DHRS4L2: variants seen among roughly 807,000 people sequenced by gnomAD.
DHRS4L2 encodes dehydrogenase/reductase 4 like 2.
In DHRS4L2, 22 loss-of-function variants were observed where a neutral mutation model predicts 23.9. The observed-to-expected ratio is 0.92, with a 90% CI of 0.66 to 1.31. DHRS4L2 has a LOEUF of 1.31. DHRS4L2 is among the 40% of genes most tolerant of loss of function. The pLI, the probability that DHRS4L2 is intolerant of heterozygous loss-of-function variation, is 0.00. For missense variants in DHRS4L2, 385 were observed against 303.3 expected (o/e 1.27, Z -2.00); for synonymous variants, 141 against 123.7 (o/e 1.14, Z -0.93).
chr14:23,988,992 G>A lies in DHRS4L2; in HGVS notation c.45G>A (p.Lys15=), dbSNP rs147724387. ...RLLGLCAWAR[K]SVRMASSRMT... ...TAGGCCTCTGTGCCTGGGCACGGAA[G>A]TCGGTGCGGATGGCCAGCTCCAGGA... The change falls in exon 1 of 8, where the codon AAG becomes AAA. Residue 15 remains lysine, a synonymous_variant. Transcript: ENST00000335125. The A allele has an allele frequency of 8.1e-6, 13 of 1,611,154 alleles. No individual in the cohort carries two copies. The Admixed American group carries it at 2.2e-4, about 27-fold the overall frequency.
exon 1 of DHRS4L2, chr14:23,970,073 G>A (rs2033816891): frequency 2.2e-5 from 10 of 456,478 alleles, no homozygotes; most frequent in Non-Finnish European, 3.5e-5. Context: ...CTCCTCTGCA[G>A]CAGCCTCGGC....
At chr14:24,004,169 C>G (rs910260581) in intron 6 of DHRS4L2, among the ~76,000 whole-genome samples, 168 bp from the exon 7 acceptor site, 4 of 143,662 alleles carry the variant, frequency 2.8e-5, no homozygotes, top group Non-Finnish European at 6.0e-5. Context: ...ACTCGGGAGG[C>G]TGAGGCAGGA....
chr14:23,977,618 A>C (rs1209736338), intron 1 of DHRS4L2, among the ~76,000 whole-genome samples: 2 of 151,772 alleles, frequency 1.3e-5, no homozygotes, highest in Admixed American at 1.3e-4. Context: ...TTGAGACGTG[A>C]CTGTGATCTG....
At chr14:23,992,830 C>T (rs930433193) in intron 2 of DHRS4L2, among the ~76,000 whole-genome samples, 13 of 147,172 alleles carry the variant, frequency 8.8e-5, no homozygotes, top group Admixed American at 7.5e-4. Flanking sequence ...AAACTATAGG[C>T]ATGCACCACC....
chr14:23,990,576 A>C (rs2034249659), intron 2 of DHRS4L2, among the ~76,000 whole-genome samples: 1 of 151,378 alleles, frequency 6.6e-6, no homozygotes. Flanking sequence ...CCAAAGAAAC[A>C]GCTGGTACTG....
chr14:23,977,036 T>C (rs1033403743), intron 1 of DHRS4L2, among the ~76,000 whole-genome samples: 7 of 151,826 alleles, frequency 4.6e-5, no homozygotes, highest in Non-Finnish European at 1.0e-4. Context: ...CAAACCAACC[T>C]GATACATGTA....
rs540334602 is a variant in DHRS4L2 at position 24,005,859 on chromosome 14, T to C, written c.*23-27T>C. 4.3e-5 allele frequency: 69 copies of C among 1,609,174 alleles called. 1 individual carries two copies. In the Middle Eastern group the frequency reaches 5.0e-4, roughly 12 times the overall value. On this transcript the variant is annotated intron_variant, in intron 7 of 7. Transcript: ENST00000335125. The stretch of plus-strand genomic sequence containing the variant: ...GAGGCAGACCCGTTTGATTTTTACC[T>C]CCTTCCTTGCTTCCCTTATTCCCCA...
At chr14:23,972,055 C>T (rs2033867536) in intron 1 of DHRS4L2, among the ~76,000 whole-genome samples, 1 of 152,024 alleles carries the variant, frequency 6.6e-6, no homozygotes, top group Non-Finnish European at 1.5e-5. Flanking sequence ...AGAATCAAGA[C>T]CCATATGGTG....
At chr14:23,972,728 G>C (rs2033886792) in intron 1 of DHRS4L2, among the ~76,000 whole-genome samples, 1 of 151,982 alleles carries the variant, frequency 6.6e-6, no homozygotes, top group Non-Finnish European at 1.5e-5. Flanking sequence ...ACCGGCACCG[G>C]TCTCTGAATT....
chr14:23,987,524 AC>A (rs1422797430), upstream of DHRS4L2, among the ~76,000 whole-genome samples: 1 of 151,628 alleles, frequency 6.6e-6, no homozygotes, highest in Non-Finnish European at 1.5e-5. Context: ...CATGCCTAGA[AC>A]TGGATTTCAC....
At chr14:24,001,323 G>C in intron 5 of DHRS4L2, 61 bp from the exon 6 acceptor site, 1 of 1,582,906 alleles carries the variant, frequency 6.3e-7, no homozygotes, top group Non-Finnish European at 8.6e-7. Context: ...TCTATGTCTA[G>C]TTATTAGAAC....
intron 1 of DHRS4L2, among the ~76,000 whole-genome samples, chr14:23,976,312 C>A (rs1341704208): frequency 6.6e-6 from 1 of 151,824 alleles, no homozygotes; most frequent in African/African-American, 2.4e-5. Context: ...ACAGAAACTT[C>A]TCAAAAGAAG....
chr14:23,970,735 C>T (rs1160520189), intron 1 of DHRS4L2, among the ~76,000 whole-genome samples: 1 of 152,038 alleles, frequency 6.6e-6, no homozygotes, highest in Non-Finnish European at 1.5e-5. Flanking sequence ...AGAGACACCT[C>T]ATACAGGTGG....
rs1452447865 is a variant in DHRS4L2, at chr14:23,995,637, TTTC to T, written c.408+510_408+512del. Among the ~76,000 whole-genome samples, 10 of 151,992 alleles carry T rather than the reference TTTC, an allele frequency of 6.6e-5. No individual in the cohort carries two copies. In the East Asian group the frequency reaches 1.7e-3, roughly 26 times the overall value. On this transcript the variant is annotated intron_variant, in intron 3 of 7. Coordinates refer to ENST00000335125, the MANE Select transcript of DHRS4L2 (RefSeq NM_198083.4). ...AAAATAAAATAAAAACCTATGTTAT[TTTC>T]TTCTTAACTGCAATGTCAAGAAAAT...
At chr14:23,995,849 T>C (rs560950484) in intron 3 of DHRS4L2, among the ~76,000 whole-genome samples, 1 of 151,880 alleles carries the variant, frequency 6.6e-6, no homozygotes, top group Non-Finnish European at 1.5e-5. Flanking sequence ...ATTTTTATGA[T>C]CTCCCATGGT....
At chr14:23,990,766 T>G in intron 2 of DHRS4L2, 1 of 580,978 alleles carries the variant, frequency 1.7e-6, no homozygotes, top group Non-Finnish European at 2.2e-6. Flanking sequence ...TGCCATTTCC[T>G]GTGTTCAGAG....
upstream of DHRS4L2, among the ~76,000 whole-genome samples, chr14:23,988,354 C>T (rs1320389542): frequency 2.7e-5 from 4 of 147,804 alleles, 1 homozygote; most frequent in Admixed American, 2.1e-4. Context: ...TCCAAGGGCC[C>T]GTGAAGATGG....
At chr14:23,989,133 T>G in intron 1 of DHRS4L2, 58 bp downstream of exon 1, 1 of 1,541,472 alleles carries the variant, frequency 6.5e-7, no homozygotes, top group Non-Finnish European at 8.8e-7. Context: ...TGCACTGGTG[T>G]CTCGTCCTTT....
chr14:23,988,833 G>T, upstream of DHRS4L2: 1 of 1,439,672 alleles, frequency 6.9e-7, no homozygotes, highest in Non-Finnish European at 9.1e-7. Flanking sequence ...ACTCCCAGCT[G>T]GCCGAGGGCG....
Sources: allele counts gnomAD v4.1 joint callset (sites outside exome capture counted in the v4.1 genomes callset), GRCh38; gene constraint gnomAD v4.1.1; transcripts MANE v1.5; gene names NCBI Gene and HGNC (gene_info 2026-07-23, HGNC 2026-07-21).